Variants in FAM174B observed in about 807,000 individuals in gnomAD.
FAM174B encodes family with sequence similarity 174 member B, also known as membrane protein FAM174B.
In FAM174B, 12 loss-of-function variants were observed where a neutral mutation model predicts 10.9. That is an observed-to-expected ratio of 1.10 (90% CI 0.71 to 1.79). FAM174B has a LOEUF of 1.79. Among genes scored for constraint, FAM174B ranks in the 40% most tolerant of loss-of-function variants. The pLI is 0.00. For missense variants in FAM174B, 266 were observed against 233.3 expected, an observed-to-expected ratio of 1.14 and a Z score of -0.91; for synonymous variants, 132 against 115.8, an observed-to-expected ratio of 1.14 and a Z score of -0.90.
At chr15:92,640,155 G>A (rs1323352257) in intron 1 of FAM174B, among the ~76,000 whole-genome samples, 2 of 152,018 alleles carry the variant, frequency 1.3e-5, no homozygotes, top group Admixed American at 6.5e-5. Flanking sequence ...CTTAAATGTA[G>A]AAAATAAAAC....
At chr15:92,632,064 G>A (rs1352501284) in intron 1 of FAM174B, among the ~76,000 whole-genome samples, 1 of 152,034 alleles carries the variant, frequency 6.6e-6, no homozygotes, top group Non-Finnish European at 1.5e-5. Context: ...GCACACAGCA[G>A]GCTCTTGGCA....
Position 92,655,304 on chromosome 15 carries a change from G to C in FAM174B, c.344+12C>G. ...CGGCCGGCGGGGGAAGGAAGAGGGCGGGAGGGCCCACCTGAAGACGCGCAG... is the reference window on the plus strand; with the variant it reads ...CGGCCGGCGGGGGAAGGAAGAGGGCCGGAGGGCCCACCTGAAGACGCGCAG... On this transcript the variant is annotated intron_variant, in intron 1 of 2. Coordinates refer to ENST00000327355, the MANE Select transcript of FAM174B (RefSeq NM_207446.3). 6.5e-7 allele frequency: 1 copy of C among 1,547,356 alleles called. No homozygotes were observed. The highest frequency in any genetic ancestry group is 8.7e-7 in the Non-Finnish European group (1 of 1,145,788).
chr15:92,630,546 T>C (rs1426945857), intron 1 of FAM174B, among the ~76,000 whole-genome samples: 1 of 151,896 alleles, frequency 6.6e-6, no homozygotes, highest in Non-Finnish European at 1.5e-5. Flanking sequence ...TCCCAGGAGA[T>C]TCGGTTAACA....
At chr15:92,655,038 G>C (rs2050991946) in intron 1 of FAM174B, 1 of 302,772 alleles carries the variant, frequency 3.3e-6, no homozygotes, top group East Asian at 5.4e-5. Flanking sequence ...TATTGTTAGT[G>C]TTCAGCATTA....
Position 92,655,649 on chromosome 15 carries a change from A to C in FAM174B, c.11T>G (p.Val4Gly). Residue 4 changes from valine (V) to glycine (G), a missense_variant, in exon 1 of 3, where the codon GTG becomes GGG. Transcript: ENST00000327355. MRA[V>G]PLPAPLLPLL... ...CGGCAGGAGCGGGGCGGGCAGCGGC[A>C]CGGCGCGCATAGTGCGGTGGGTCGG... The C allele has an allele frequency of 8.0e-7, 1 of 1,254,998 alleles. No individual in the cohort carries two copies. The allele number at this position is 1,254,998 out of a possible 1,614,324, so 77.7% of individuals were successfully genotyped here. A position where few individuals can be genotyped will look rare whatever the true frequency, so the allele number is the denominator to read the frequency against.
chr15:92,638,528 A>C (rs1314030163), intron 1 of FAM174B, among the ~76,000 whole-genome samples: 1 of 152,204 alleles, frequency 6.6e-6, no homozygotes, highest in African/African-American at 2.4e-5. Context: ...TAAACCCTTT[A>C]GACTCAGTTC....
At chr15:92,626,471 A>AT (rs1224198062) in intron 2 of FAM174B, among the ~76,000 whole-genome samples, 1 of 152,082 alleles carries the variant, frequency 6.6e-6, no homozygotes, top group Non-Finnish European at 1.5e-5. Flanking sequence ...TAAAAATAAT[A>AT]TTTTTTAAGA....
At chr15:92,632,262 C>T (rs1029163137) in intron 1 of FAM174B, among the ~76,000 whole-genome samples, 3 of 152,110 alleles carry the variant, frequency 2.0e-5, no homozygotes, top group Non-Finnish European at 4.4e-5. Context: ...GACAGGCTCT[C>T]GGCCGGGTGC....
Position 92,617,717 on chromosome 15 carries a change from C to T in FAM174B, c.*1739G>A, listed in dbSNP as rs2050688499. On this transcript the variant is annotated 3_prime_UTR_variant, in exon 3 of 3. Transcript: ENST00000327355. ...AGGTGGCCAGGCTCCCGTGAGTCAC[C>T]ACTCAGGCCTGAGTACACCGTGGAG... is the stretch of plus-strand genomic sequence containing the variant. The T allele has an allele frequency of 1.5e-6, 1 of 681,242 alleles. No homozygotes were observed. The allele number at this position is 681,242 out of a possible 1,614,324, so 42.2% of individuals were successfully genotyped here.
Position 92,630,213 on chromosome 15 carries a change from C to A in FAM174B, c.476+1G>T. 6.2e-7 allele frequency: 1 copy of A among 1,613,708 alleles called. No individual in the cohort carries two copies. The highest frequency in any genetic ancestry group is 1.1e-5 in the South Asian group (1 of 91,040). The stretch of plus-strand genomic sequence containing the variant: ...AGGAAGCCTCTGTCTCCACCCTGTA[C>A]CTGTATTTGATGTCGAATACTGTGG... On this transcript the variant is annotated splice_donor_variant, in intron 2 of 2. Coordinates refer to ENST00000327355, the MANE Select transcript of FAM174B (RefSeq NM_207446.3). LOFTEE classifies it high-confidence loss of function.
chr15:92,642,899 C>T (rs285766), intron 1 of FAM174B, among the ~76,000 whole-genome samples: 35,061 of 152,136 alleles, frequency 0.23, 4,530 homozygotes, highest in African/African-American at 0.34. Context: ...CCTGAAAACA[C>T]TGTACTAAAT....
intron 1 of FAM174B, chr15:92,634,378 G>C (rs1016937392): frequency 6.6e-6 from 1 of 152,248 alleles, no homozygotes; most frequent in Non-Finnish European, 1.5e-5. Context: ...GACCCTGGGA[G>C]AAAGCTCCGG....
At chr15:92,637,470 C>A (rs539526315) in intron 1 of FAM174B, among the ~76,000 whole-genome samples, 2 of 152,324 alleles carry the variant, frequency 1.3e-5, no homozygotes, top group African/African-American at 4.8e-5. Context: ...CCTAGCAAAC[C>A]TTAACTGCCT....
chr15:92,654,328 G>A (rs1185612286), intron 1 of FAM174B, among the ~76,000 whole-genome samples: 1 of 152,192 alleles, frequency 6.6e-6, no homozygotes, highest in African/African-American at 2.4e-5. Flanking sequence ...ACGCTTGGAA[G>A]CAGAGGGAGG....
chr15:92,639,079 G>T (rs961156605), intron 1 of FAM174B: 1 of 152,374 alleles, frequency 6.6e-6, no homozygotes, highest in Non-Finnish European at 1.5e-5. Context: ...GTCCCAGGAA[G>T]CAAGCAGAGC....
chr15:92,638,202 T>C (rs1285565846), intron 1 of FAM174B, among the ~76,000 whole-genome samples: 1 of 152,236 alleles, frequency 6.6e-6, no homozygotes, highest in African/African-American at 2.4e-5. Context: ...AATGTCCATA[T>C]TGTCTTCACA....
chr15:92,620,621 C>T (rs1016706651), intron 2 of FAM174B, among the ~76,000 whole-genome samples: 6 of 152,074 alleles, frequency 3.9e-5, no homozygotes, highest in Admixed American at 6.5e-5. Flanking sequence ...TCGAGACCAG[C>T]CTGGCCAACA....
At chr15:92,634,426 T>C (rs2050839703) in intron 1 of FAM174B, 1 of 152,244 alleles carries the variant, frequency 6.6e-6, no homozygotes, top group African/African-American at 2.4e-5. Context: ...CTCATGGGAG[T>C]GAATCCCTGA....
intron 1 of FAM174B, among the ~76,000 whole-genome samples, chr15:92,643,344 A>ATGTGTGTGTGTGTGTGTGTGTG (rs61322216): frequency 1.0e-3 from 141 of 138,148 alleles, no homozygotes; most frequent in South Asian, 2.1e-3. Context: ...TAGGGAAGGA[A>ATGTGTGTGTGTGTGTGTGTGTG]TGTGTGTGTG....
Sources: gnomAD v4.1 joint callset for allele counts (sites outside exome capture counted in the v4.1 genomes callset) on GRCh38, gnomAD v4.1.1 for gene constraint, MANE v1.5 for transcripts, NCBI Gene and HGNC (gene_info 2026-07-23, HGNC 2026-07-21) for gene names.